The following DIP2C variants were observed in gnomAD, a reference collection of about 807,000 sequenced individuals.
The protein encoded by DIP2C is disco-interacting protein 2 homolog C.
A neutral mutation model predicts 192.4 loss-of-function variants in DIP2C; 33 were observed. The ratio of observed to expected loss-of-function variants is 0.17; its 90% CI spans 0.13 to 0.23. DIP2C has a LOEUF of 0.23. DIP2C is among the 10% of genes least tolerant of loss of function. DIP2C has a pLI of 1.00. For missense variants in DIP2C, 1,537 were observed against 2,110.1 expected (o/e 0.73, Z 5.32); for synonymous variants, 979 against 864.1 (o/e 1.13, Z -2.33).
rs764530788 is a variant in DIP2C, at chr10:408,949, G to C, written c.1126C>G (p.Pro376Ala). 6.2e-7 allele frequency: 1 copy of C among 1,614,198 alleles called. No individual in the cohort carries two copies. The highest frequency in any genetic ancestry group is 1.1e-5 in the South Asian group (1 of 91,080). ...ILHKLGTKQEPMVRPGDRVAL... is the reference protein window; with the variant it reads ...ILHKLGTKQEAMVRPGDRVAL... Reference sequence around the variant, plus strand: ...ACCCTATCTCCAGGCCGGACCATGGGTTCCTGCTTTGTGCCTAATTTGTGT... The same window carrying C: ...ACCCTATCTCCAGGCCGGACCATGGCTTCCTGCTTTGTGCCTAATTTGTGT... Residue 376 changes from proline (P) to alanine (A), a missense_variant, in exon 9 of 37, where the codon CCC (proline) becomes GCC (alanine). Physicochemically the swap from Pro to Ala is conservative, Grantham distance 27. Coordinates refer to ENST00000280886, the MANE Select transcript of DIP2C (RefSeq NM_014974.3).
At chr10:426,050 C>A (rs538463994) in intron 4 of DIP2C, among the ~76,000 whole-genome samples, 9 of 152,156 alleles carry the variant, frequency 5.9e-5, no homozygotes, top group African/African-American at 1.9e-4. Flanking sequence ...TAAAGACATC[C>A]AGATTAGAAA....
intron 1 of DIP2C, among the ~76,000 whole-genome samples, chr10:576,285 A>C (rs938138740): frequency 2.4e-4 from 36 of 152,356 alleles, no homozygotes; most frequent in African/African-American, 8.7e-4. Flanking sequence ...ACTGCGAGGC[A>C]AACGCCACAG....
intron 3 of DIP2C, among the ~76,000 whole-genome samples, chr10:452,606 A>G (rs1383933407): frequency 6.6e-6 from 1 of 152,218 alleles, no homozygotes; most frequent in African/African-American, 2.4e-5. Context: ...CTTTGTCGAA[A>G]GACCTTTCAC....
chr10:644,978 G>A (rs1255605359), intron 1 of DIP2C, among the ~76,000 whole-genome samples: 2 of 152,228 alleles, frequency 1.3e-5, no homozygotes, highest in African/African-American at 2.4e-5. Context: ...AGGTGAGAAA[G>A]GGACTGAGGA....
intron 1 of DIP2C, among the ~76,000 whole-genome samples, chr10:654,183 C>G (rs565962082): frequency 7.9e-5 from 12 of 152,172 alleles, no homozygotes; most frequent in Non-Finnish European, 1.2e-4. Context: ...CAGACGCTGC[C>G]GGAGATTGGT....
At chr10:428,562 T>C (rs949666342) in intron 4 of DIP2C, among the ~76,000 whole-genome samples, 2 of 152,056 alleles carry the variant, frequency 1.3e-5, no homozygotes, top group African/African-American at 4.8e-5. Flanking sequence ...TTCTTCGGAG[T>C]CCTTTCAGGA....
intron 26 of DIP2C, among the ~76,000 whole-genome samples, chr10:348,199 T>C (rs1369195834): frequency 1.3e-5 from 2 of 152,178 alleles, no homozygotes; most frequent in African/African-American, 4.8e-5. Flanking sequence ...ACGAGGAAAA[T>C]ATAGCTGAAT....
chr10:610,105 T>C (rs530539815), intron 1 of DIP2C, among the ~76,000 whole-genome samples: 3 of 152,310 alleles, frequency 2.0e-5, no homozygotes, highest in Non-Finnish European at 2.9e-5. Flanking sequence ...ATGAAGGGAA[T>C]GTGGCCTGAG....
At chr10:485,076 G>A (rs575438927) in intron 2 of DIP2C, 151 of 1,224,958 alleles carry the variant, frequency 1.2e-4, no homozygotes, top group Non-Finnish European at 1.5e-4. Context: ...CACAGGGCAC[G>A]ACCGCCCTCT....
chr10:484,704 G>A (rs1539231), intron 2 of DIP2C: 1,397,455 of 1,519,816 alleles, frequency 0.92, 648,440 homozygotes, highest in Non-Finnish European at 0.94. Context: ...ACGTCTGTAC[G>A]GGATGGCACT....
At chr10:281,572 A>T (rs919100401) in intron 35 of DIP2C, among the ~76,000 whole-genome samples, 5 of 152,216 alleles carry the variant, frequency 3.3e-5, no homozygotes, top group Non-Finnish European at 2.9e-5. Context: ...CTTTGGGAGA[A>T]GATCTTTCCT....
At chr10:417,264 T>C (rs1965704610) in intron 6 of DIP2C, among the ~76,000 whole-genome samples, 1 of 152,092 alleles carries the variant, frequency 6.6e-6, no homozygotes, top group Non-Finnish European at 1.5e-5. Flanking sequence ...AGAATCACCC[T>C]CCCAGCAAGG....
intron 26 of DIP2C, among the ~76,000 whole-genome samples, chr10:347,890 C>G (rs1589563440): frequency 1.4e-5 from 2 of 142,198 alleles, no homozygotes; most frequent in East Asian, 2.1e-4. Flanking sequence ...AAACCCCACA[C>G]GCACCCAGAC....
In DIP2C at chr10:608,797, A is replaced by AC. The variant is rs78066313; in HGVS notation, c.85+80696dup. 1.4e-3 allele frequency among the ~76,000 whole-genome samples: 194 copies of AC among 139,090 alleles called. 12 individuals are homozygous for AC. Among genetic ancestry groups the AC allele is most frequent in the African/African-American group, 5.5e-3 (176 of 31,790 alleles). 91.2% of individuals were successfully genotyped at this position (139,090 alleles called of 152,430 possible). ...TCGGAATAGACCTAATGGGGGATAA[A>AC]CCTCTCCTCCAACCCATTGCTTAGT... On this transcript the variant is annotated intron_variant, in intron 1 of 36. Coordinates refer to ENST00000280886, the MANE Select transcript of DIP2C (RefSeq NM_014974.3).
intron 18 of DIP2C, among the ~76,000 whole-genome samples, chr10:368,609 G>A (rs748710627): frequency 5.3e-5 from 8 of 152,302 alleles, no homozygotes; most frequent in East Asian, 1.9e-4. Flanking sequence ...TGGCCCTAGC[G>A]CAGCTCACCA....
At chr10:343,646 A>AT (rs1958270076) in intron 28 of DIP2C, among the ~76,000 whole-genome samples, 1 of 152,226 alleles carries the variant, frequency 6.6e-6, no homozygotes, top group East Asian at 1.9e-4. Flanking sequence ...TACAACATCC[A>AT]TCCAGACTCC....
At chr10:408,863 G>T in intron 9 of DIP2C, 63 bp downstream of exon 9, 1 of 1,537,350 alleles carries the variant, frequency 6.5e-7, no homozygotes, top group Non-Finnish European at 8.9e-7. Context: ...TGTTTAAACA[G>T]TGGGCACCTT....
chr10:566,611 G>A (rs1302821051), intron 1 of DIP2C, among the ~76,000 whole-genome samples: 2 of 152,230 alleles, frequency 1.3e-5, no homozygotes, highest in Non-Finnish European at 2.9e-5. Context: ...GAGGGCCCAT[G>A]AGCCCCAGCA....
At chr10:462,718 C>CA in intron 3 of DIP2C, among the ~76,000 whole-genome samples, 1 of 152,016 alleles carries the variant, frequency 6.6e-6, no homozygotes, top group East Asian at 1.9e-4. Flanking sequence ...AGACACACAA[C>CA]AAAAAAAGAA....
Sources: allele counts gnomAD v4.1 joint callset (sites outside exome capture counted in the v4.1 genomes callset), GRCh38; gene constraint gnomAD v4.1.1; transcripts MANE v1.5; gene names NCBI Gene and HGNC (gene_info 2026-07-23, HGNC 2026-07-21).